NKAIN2: variants seen among roughly 807,000 people sequenced by gnomAD.
NKAIN2 encodes the protein sodium/potassium-transporting ATPase subunit beta-1-interacting protein 2.
Under a neutral mutation model 32.6 loss-of-function variants are expected in NKAIN2, and 14 were observed. The observed-to-expected ratio is 0.43, with a 90% CI of 0.28 to 0.67. The LOEUF (loss-of-function observed/expected upper bound fraction) is 0.67, where lower values mean the gene tolerates loss of function less well. Among genes scored for constraint, NKAIN2 ranks in the 30% least tolerant of loss-of-function variants. The probability of loss-of-function intolerance (pLI) is 0.17; values close to 1 mark genes in which losing one functional copy is unlikely to be tolerated. For missense variants in NKAIN2, 198 were observed against 258.3 expected (o/e 0.77, Z 1.60); for synonymous variants, 80 against 87.2 (o/e 0.92, Z 0.46).
intron 3 of NKAIN2, among the ~76,000 whole-genome samples, chr6:124,561,813 T>C (rs1306615398): frequency 1.3e-5 from 2 of 152,338 alleles, no homozygotes; most frequent in East Asian, 3.9e-4. Flanking sequence ...CCTTTGCACT[T>C]GTGGACTATT....
chr6:124,611,748 A>G (rs1056218947), intron 3 of NKAIN2, among the ~76,000 whole-genome samples: 20 of 152,162 alleles, frequency 1.3e-4, no homozygotes, highest in Admixed American at 3.3e-4. Context: ...AGTGTTTACT[A>G]GAAGATATTA....
At position 124,224,206 on chromosome 6, in the gene NKAIN2, C is replaced by T. The variant is rs375125217; in HGVS notation, c.55-58799C>T. ...ACATATTTTCATGCATTCACATATG[C>T]GTGCACATACACACATACATATATA... is the stretch of plus-strand genomic sequence containing the variant. On this transcript the variant is annotated intron_variant, in intron 1 of 6. Coordinates refer to ENST00000368417, the MANE Select transcript of NKAIN2 (RefSeq NM_001040214.3). Among the ~76,000 whole-genome samples the T allele has an allele frequency of 8.5e-4, 130 of 152,120 alleles. 1 individual carries two copies. Among genetic ancestry groups the T allele is most frequent in the East Asian group, 5.6e-3 (29 of 5,164 alleles).
At chr6:124,253,785 G>A (rs1793794520) in intron 1 of NKAIN2, among the ~76,000 whole-genome samples, 1 of 146,760 alleles carries the variant, frequency 6.8e-6, no homozygotes, top group Non-Finnish European at 1.5e-5. Context: ...TTTTCTTTTT[G>A]TATCATCTTC....
In NKAIN2 at chr6:123,919,696, A is replaced by G. The variant is rs189970515; in HGVS notation, c.54+115442A>G. On this transcript the variant is annotated intron_variant, in intron 1 of 6. Transcript: ENST00000368417. ...GATTCCATGGTTATTTGAAGTGTGT[A>G]GTTTTATAATGCCCCAGCATTTGAA... Among the ~76,000 whole-genome samples the G allele has an allele frequency of 7.0e-4, 107 of 152,184 alleles. 1 individual carries two copies. Among genetic ancestry groups the G allele is most frequent in the Non-Finnish European group, 5.3e-4 (36 of 67,974 alleles).
chr6:124,314,294 A>G (rs1234160902), intron 2 of NKAIN2, among the ~76,000 whole-genome samples: 1 of 152,160 alleles, frequency 6.6e-6, no homozygotes, highest in Non-Finnish European at 1.5e-5. Context: ...TTAATGGAAA[A>G]TGAGCAAACC....
chr6:124,195,517 A>G (rs1257405761), intron 1 of NKAIN2, among the ~76,000 whole-genome samples: 1 of 152,152 alleles, frequency 6.6e-6, no homozygotes, highest in Middle Eastern at 3.2e-3. Flanking sequence ...ATTTTTTGAA[A>G]GGAATGCTGA....
intron 1 of NKAIN2, among the ~76,000 whole-genome samples, chr6:123,955,931 T>C (rs78004828): frequency 0.014 from 2,183 of 152,294 alleles, 51 homozygotes; most frequent in African/African-American, 0.05. Flanking sequence ...CCGAGCTACA[T>C]TTAAACATTA....
At chr6:124,138,087 A>G (rs953038906) in intron 1 of NKAIN2, among the ~76,000 whole-genome samples, 1 of 152,202 alleles carries the variant, frequency 6.6e-6, no homozygotes. Flanking sequence ...AGGAGAAAAT[A>G]TCTGCAAACT....
At chr6:124,433,984 A>T (rs1775331098) in intron 3 of NKAIN2, among the ~76,000 whole-genome samples, 1 of 152,154 alleles carries the variant, frequency 6.6e-6, no homozygotes, top group East Asian at 1.9e-4. Context: ...AAAGCGAAAA[A>T]AATCCCTCAT....
intron 4 of NKAIN2, among the ~76,000 whole-genome samples, chr6:124,778,793 G>A (rs1034908268): frequency 2.6e-5 from 4 of 151,868 alleles, no homozygotes; most frequent in African/African-American, 9.7e-5. Flanking sequence ...GGAAAAAAAA[G>A]AAAAAATCAG....
rs1168334485 is a variant in NKAIN2 at position 123,976,314 on chromosome 6, TATATATATATGTTCCC to T, written c.54+172071_54+172086del. On this transcript the variant is annotated intron_variant, in intron 1 of 6. Transcript: ENST00000368417. Reference sequence around the variant, plus strand: ...ATATGTTTCCATATATATGTTTCCATATATATATATGTTCCCATATATATATATGTTCCCATATATA... The same window carrying T: ...ATATGTTTCCATATATATGTTTCCATATATATATATATGTTCCCATATATA... Among the ~76,000 whole-genome samples, 43 of 46,170 alleles carry T rather than the reference TATATATATATGTTCCC, an allele frequency of 9.3e-4. 4 individuals are homozygous for T. Among genetic ancestry groups the T allele is most frequent in the Non-Finnish European group, 1.7e-3 (39 of 23,072 alleles). 30.3% of individuals were successfully genotyped at this position (46,170 alleles called of 152,430 possible). A position where few individuals can be genotyped will look rare whatever the true frequency, so the allele number is the denominator to read the frequency against.
At chr6:123,886,008 G>A (rs1171744054) in intron 1 of NKAIN2, among the ~76,000 whole-genome samples, 1 of 148,854 alleles carries the variant, frequency 6.7e-6, no homozygotes, top group East Asian at 2.0e-4. Context: ...TAAAAAAAGA[G>A]GCAGTACACA....
intron 1 of NKAIN2, among the ~76,000 whole-genome samples, chr6:123,866,845 C>T (rs113198822): frequency 0.041 from 6,293 of 152,252 alleles, 272 homozygotes; most frequent in African/African-American, 0.11. Flanking sequence ...TTTGCTCTCC[C>T]TCTCTGGATT....
chr6:124,734,067 A>G (rs1473144567), intron 4 of NKAIN2, among the ~76,000 whole-genome samples: 3 of 148,476 alleles, frequency 2.0e-5, no homozygotes, highest in East Asian at 2.0e-4. Flanking sequence ...AAATGCACAC[A>G]CACACACACA....
chr6:124,481,542 C>G (rs1777452284), intron 3 of NKAIN2, among the ~76,000 whole-genome samples: 1 of 152,076 alleles, frequency 6.6e-6, no homozygotes, highest in South Asian at 2.1e-4. Flanking sequence ...GCTAATACAT[C>G]CATTGGTCTT....
chr6:124,690,340 T>G (rs1170553185), intron 4 of NKAIN2, among the ~76,000 whole-genome samples: 1 of 152,156 alleles, frequency 6.6e-6, no homozygotes, highest in African/African-American at 2.4e-5. Context: ...TCCCAAAGTT[T>G]TTTGCTGATT....
At chr6:124,089,330 G>A (rs1582621515) in intron 1 of NKAIN2, among the ~76,000 whole-genome samples, 1 of 151,678 alleles carries the variant, frequency 6.6e-6, no homozygotes, top group African/African-American at 2.4e-5. Flanking sequence ...TTCTAAAGTT[G>A]TTTAGCATCT....
chr6:123,967,281 C>T (rs1778126008), intron 1 of NKAIN2, among the ~76,000 whole-genome samples: 1 of 152,152 alleles, frequency 6.6e-6, no homozygotes, highest in Non-Finnish European at 1.5e-5. Context: ...CGAGAGTTTT[C>T]TTTGAAATTG....
At chr6:123,851,982 C>T (rs894149206) in intron 1 of NKAIN2, among the ~76,000 whole-genome samples, 7 of 151,994 alleles carry the variant, frequency 4.6e-5, no homozygotes, top group African/African-American at 1.2e-4. Context: ...TCTGTTTATA[C>T]TTTTGTTGCT....
Sources: gnomAD v4.1 joint callset for allele counts (sites outside exome capture counted in the v4.1 genomes callset) on GRCh38, gnomAD v4.1.1 for gene constraint, MANE v1.5 for transcripts, NCBI Gene and HGNC (gene_info 2026-07-23, HGNC 2026-07-21) for gene names.